The following TLR7 variants were observed in gnomAD, a reference collection of about 807,000 sequenced individuals.
TLR7 encodes toll like receptor 7.
Under a neutral mutation model 38.3 loss-of-function variants are expected in TLR7, and 12 were observed. The observed-to-expected ratio is 0.31, with a 90% CI of 0.20 to 0.51. TLR7 has a LOEUF of 0.51. TLR7 is among the 20% of genes least tolerant of loss of function. The probability of loss-of-function intolerance (pLI) is 0.98; values close to 1 mark genes in which losing one functional copy is unlikely to be tolerated. For synonymous variants in TLR7, 285 were observed against 293.8 expected (o/e 0.97, Z 0.31); for missense variants, 504 against 743.4 (o/e 0.68, Z 3.74).
At chrX:12,881,013 G>A (rs2042889148) in intron 2 of TLR7, among the ~76,000 whole-genome samples, 1 of 109,662 alleles carries the variant, frequency 9.1e-6, no homozygotes, top group Non-Finnish European at 1.9e-5. Context: ...GTTCACTTGG[G>A]GTCAGGCATT....
intron 2 of TLR7, among the ~76,000 whole-genome samples, chrX:12,877,142 C>G (rs1378311509): frequency 9.0e-6 from 1 of 111,685 alleles, no homozygotes; most frequent in Non-Finnish European, 1.9e-5. Context: ...ATATTTCACA[C>G]TTTTAAGTCA....
chrX:12,883,081 A>G (rs781410104), intron 2 of TLR7, among the ~76,000 whole-genome samples: 1 of 111,748 alleles, frequency 8.9e-6, no homozygotes, highest in South Asian at 3.8e-4. Context: ...GGATCCTATA[A>G]CCGTACAAAT....
intron 2 of TLR7, among the ~76,000 whole-genome samples, chrX:12,872,262 T>A (rs1392594349): frequency 1.8e-5 from 2 of 111,899 alleles, no homozygotes; most frequent in Admixed American, 1.9e-4. Flanking sequence ...CTGCTTTCTA[T>A]CATGGGTCCA....
At chrX:12,874,635 G>T (rs1008378436) in intron 2 of TLR7, among the ~76,000 whole-genome samples, 1 of 112,016 alleles carries the variant, frequency 8.9e-6, no homozygotes, top group Admixed American at 9.5e-5. Context: ...TTGTTGATGA[G>T]AAAGTCAAGG....
At chrX:12,883,228 ATATT>A (rs1160297979) in intron 2 of TLR7, among the ~76,000 whole-genome samples, 4 of 112,568 alleles carry the variant, frequency 3.6e-5, no homozygotes, top group South Asian at 3.7e-4. Flanking sequence ...AAGATGTACC[ATATT>A]TATTTAAGGG....
intron 2 of TLR7, among the ~76,000 whole-genome samples, chrX:12,876,912 C>T (rs2042872591): frequency 1.1e-5 from 1 of 88,795 alleles, no homozygotes; most frequent in African/African-American, 5.1e-5. Flanking sequence ...TGTCTTTAGG[C>T]AATCATTACA....
intron 2 of TLR7, among the ~76,000 whole-genome samples, chrX:12,879,588 G>A (rs1016150666): frequency 9.0e-6 from 1 of 111,303 alleles, no homozygotes; most frequent in Non-Finnish European, 1.9e-5. Flanking sequence ...TTTCTCATGT[G>A]CATTGCCCAA....
intron 2 of TLR7, among the ~76,000 whole-genome samples, chrX:12,878,907 T>G (rs1252638872): frequency 8.9e-6 from 1 of 112,258 alleles, no homozygotes; most frequent in Non-Finnish European, 1.9e-5. Flanking sequence ...TGCTGCTTTG[T>G]CTGTATCCAT....
intron 2 of TLR7, among the ~76,000 whole-genome samples, chrX:12,874,404 T>C (rs2042863787): frequency 8.9e-6 from 1 of 111,814 alleles, no homozygotes; most frequent in African/African-American, 3.3e-5. Context: ...GTTATTTTTT[T>C]CCTCCCTCTG....
At chrX:12,884,376 G>A (rs1450784816) in intron 2 of TLR7, among the ~76,000 whole-genome samples, 1 of 112,091 alleles carries the variant, frequency 8.9e-6, no homozygotes, top group Non-Finnish European at 1.9e-5. Context: ...CTATGGTAGA[G>A]ACACAGGCTG....
At chrX:12,880,202 A>G (rs1254830515) in intron 2 of TLR7, among the ~76,000 whole-genome samples, 4 of 112,191 alleles carry the variant, frequency 3.6e-5, no homozygotes, top group Non-Finnish European at 7.5e-5. Flanking sequence ...GTCAGTAGAT[A>G]CATATTAGAA....
Position 12,873,471 on chromosome X carries a change from G to A in TLR7, c.3+5890G>A, listed in dbSNP as rs576235762. On this transcript the variant is annotated intron_variant, in intron 2 of 2. Coordinates refer to ENST00000380659, the MANE Select transcript of TLR7 (RefSeq NM_016562.4). ...TAGAGAAGTACCTGGCATGTTGCAG[G>A]CATCAATAAATACTTGTTGAATTTT... Among the ~76,000 whole-genome samples, 4 of 112,245 alleles carry A rather than the reference G, an allele frequency of 3.6e-5. No individual in the cohort carries two copies. In the South Asian group the frequency reaches 1.1e-3, roughly 31 times the overall value.
intron 2 of TLR7, among the ~76,000 whole-genome samples, chrX:12,873,765 A>C (rs760711100): frequency 2.2e-4 from 25 of 112,221 alleles, no homozygotes; most frequent in Non-Finnish European, 3.6e-4. Flanking sequence ...TATATTTATC[A>C]TAAATGCATT....
intron 2 of TLR7, among the ~76,000 whole-genome samples, chrX:12,884,329 C>T (rs1263809087): frequency 8.9e-6 from 1 of 111,745 alleles, no homozygotes; most frequent in Non-Finnish European, 1.9e-5. Flanking sequence ...TTGATTCAGT[C>T]ACTTGGGAAG....
rs2042846273 is a variant in TLR7, at chrX:12,869,814, G to T, written c.3+2233G>T. ...GACATGGAAAACTATTTACCAAGAT[G>T]GTCAGTGCAGCCAGGCAAAAAAAAA... On this transcript the variant is annotated intron_variant, in intron 2 of 2. Coordinates refer to ENST00000380659, the MANE Select transcript of TLR7 (RefSeq NM_016562.4). 3.3e-5 allele frequency among the ~76,000 whole-genome samples: 3 copies of T among 91,334 alleles called. No homozygotes were observed. The Admixed American group carries it at 3.8e-4, about 12-fold the overall frequency. The allele number at this position is 91,334 out of a possible 115,157, so 79.3% of individuals were successfully genotyped here.
chrX:12,880,081 T>A (rs1173376045), intron 2 of TLR7, among the ~76,000 whole-genome samples: 1 of 111,764 alleles, frequency 8.9e-6, no homozygotes, highest in Non-Finnish European at 1.9e-5. Context: ...AGATATGTAT[T>A]TTTTTTTCTC....
intron 2 of TLR7, among the ~76,000 whole-genome samples, chrX:12,881,751 G>A (rs376153306): frequency 9.0e-6 from 1 of 110,620 alleles, no homozygotes; most frequent in Non-Finnish European, 1.9e-5. Context: ...GAAAAATTCC[G>A]AATTCCAAAA....
Position 12,886,604 on chromosome X carries a change from T to C in TLR7, c.1096T>C (p.Phe366Leu). ...TGCATCTATGAATCTATCACAAGCA[T>C]TTTCTTCACTGAAAAGCCTGAAAAT... ...YRASMNLSQAFSSLKSLKILR... is the reference protein window; with the variant it reads ...YRASMNLSQALSSLKSLKILR... The change falls in exon 3 of 3, where the codon TTT becomes CTT. Residue 366 changes from phenylalanine to leucine, a missense_variant. Phe to Leu is a conservative substitution (Grantham distance 22, BLOSUM62 0). Transcript: ENST00000380659. 8.3e-7 allele frequency: 1 copy of C among 1,212,082 alleles called. No individual in the cohort carries two copies.
At chrX:12,872,253 T>A (rs747649623) in intron 2 of TLR7, among the ~76,000 whole-genome samples, 1 of 111,903 alleles carries the variant, frequency 8.9e-6, no homozygotes, top group Non-Finnish European at 1.9e-5. Flanking sequence ...AATCATATAC[T>A]GCTTTCTATC....
Sources: allele counts gnomAD v4.1 joint callset (sites outside exome capture counted in the v4.1 genomes callset), GRCh38; gene constraint gnomAD v4.1.1; transcripts MANE v1.5; gene names NCBI Gene and HGNC (gene_info 2026-07-23, HGNC 2026-07-21).